Variants in PPM1H observed in about 807,000 individuals in gnomAD.
PPM1H encodes the protein protein phosphatase, Mg2+/Mn2+ dependent 1H.
Under a neutral mutation model 54.9 loss-of-function variants are expected in PPM1H, and 27 were observed. The ratio of observed to expected loss-of-function variants is 0.49; its 90% CI spans 0.36 to 0.68. PPM1H has a LOEUF of 0.68. Ranked by LOEUF, PPM1H falls within the 30% of genes least tolerant of loss-of-function variation. PPM1H has a pLI of 0.00. For synonymous variants in PPM1H, 305 were observed against 270.8 expected (o/e 1.13, Z -1.24); for missense variants, 596 against 667.8 (o/e 0.89, Z 1.19).
intron 2 of PPM1H, among the ~76,000 whole-genome samples, chr12:62,818,306 G>C (rs115129461): frequency 3.9e-5 from 6 of 152,180 alleles, no homozygotes; most frequent in Non-Finnish European, 5.9e-5. Flanking sequence ...AGAAGAAAAA[G>C]CTCTTGGAAA....
At chr12:62,800,311 T>C (rs1156988493) in intron 3 of PPM1H, among the ~76,000 whole-genome samples, 1 of 150,788 alleles carries the variant, frequency 6.6e-6, no homozygotes, top group East Asian at 1.9e-4. Context: ...TTCTCATCAC[T>C]TTGTAATCTC....
intron 6 of PPM1H, among the ~76,000 whole-genome samples, chr12:62,706,793 G>A (rs2120407248): frequency 6.6e-6 from 1 of 152,202 alleles, no homozygotes; most frequent in East Asian, 1.9e-4. Context: ...GCAAAAGAAT[G>A]TTTAATTATT....
At chr12:62,768,425 G>GC (rs1196420945) in intron 4 of PPM1H, among the ~76,000 whole-genome samples, 1 of 152,174 alleles carries the variant, frequency 6.6e-6, no homozygotes, top group African/African-American at 2.4e-5. Flanking sequence ...GGAGGCCAAG[G>GC]TGGGCGGATC....
intron 1 of PPM1H, among the ~76,000 whole-genome samples, chr12:62,891,378 A>C (rs1443039702): frequency 1.3e-5 from 2 of 152,248 alleles, no homozygotes; most frequent in Admixed American, 1.3e-4. Flanking sequence ...AAGTAAACTG[A>C]TACAATGCTT....
In PPM1H at chr12:62,934,902, C is replaced by T. The variant is rs2120379315; in HGVS notation, c.-166G>A. On this transcript the variant is annotated 5_prime_UTR_variant, in exon 1 of 10. Transcript: ENST00000228705. This position sits in a 1 kb window ranked among gnomAD's most constrained non-coding sequence, Gnocchi z 4.2. ...GAGCCTAGTGCTGCAGGGGGCCGAG[C>T]CCCGGCCTCTCGTGCTTAGTGCCGC... is the stretch of plus-strand genomic sequence containing the variant. The T allele has an allele frequency of 1.9e-6, 1 of 536,724 alleles. No individual in the cohort carries two copies. The highest frequency in any genetic ancestry group is 2.7e-6 in the Non-Finnish European group (1 of 371,064). 33.2% of individuals were successfully genotyped at this position (536,724 alleles called of 1,614,324 possible).
intron 4 of PPM1H, among the ~76,000 whole-genome samples, chr12:62,778,096 T>A (rs1381740301): frequency 6.6e-6 from 1 of 152,180 alleles, no homozygotes; most frequent in Non-Finnish European, 1.5e-5. Flanking sequence ...AAACTAACAG[T>A]GACAAAATTC....
intron 7 of PPM1H, among the ~76,000 whole-genome samples, chr12:62,692,358 T>C: frequency 6.6e-6 from 1 of 152,216 alleles, no homozygotes; most frequent in East Asian, 1.9e-4. Context: ...TTTGGTGAAT[T>C]GAACTTTATA....
rs1197611500 is a variant in PPM1H, at chr12:62,658,897, C to A, written c.1397+8281G>T. The A allele has an allele frequency of 1.1e-5, 7 of 654,290 alleles. No homozygotes were observed. In the Admixed American group the frequency reaches 1.3e-4, roughly 12 times the overall value. 40.5% of individuals were successfully genotyped at this position (654,290 alleles called of 1,614,324 possible). A position where few individuals can be genotyped will look rare whatever the true frequency, so the allele number is the denominator to read the frequency against. On this transcript the variant is annotated intron_variant, in intron 9 of 9. Coordinates refer to ENST00000228705, the MANE Select transcript of PPM1H (RefSeq NM_020700.2). ...AGAAGTTCATCCAGCACCAGTCTGA[C>A]CAATATGTCAAAATTAAGCGTAACT...
At chr12:62,801,721 AC>A in intron 3 of PPM1H, 94 bp downstream of exon 3, 1 of 1,367,410 alleles carries the variant, frequency 7.3e-7, no homozygotes, top group African/African-American at 1.5e-5. Context: ...AGGCAGCAAA[AC>A]CGTGCGCTTT....
intron 6 of PPM1H, among the ~76,000 whole-genome samples, chr12:62,715,697 C>T (rs536346767): frequency 6.6e-5 from 10 of 152,258 alleles, no homozygotes; most frequent in Non-Finnish European, 8.8e-5. Context: ...CACTGAGTGC[C>T]GGCGTGGTGC....
intron 1 of PPM1H, among the ~76,000 whole-genome samples, chr12:62,932,200 A>C (rs1431077415): frequency 6.6e-6 from 1 of 151,346 alleles, no homozygotes; most frequent in Non-Finnish European, 1.5e-5. Flanking sequence ...CAAGTTGAAT[A>C]TCTCTCATGT....
In PPM1H at chr12:62,709,485, CA is replaced by C. The variant is rs547552125; in HGVS notation, c.1073+10685del. ...TTTCACTCCTCTGGGCTTCTGCTGG[CA>C]CAGTGCCCTTTGCTCCGAATGTCCT... On this transcript the variant is annotated intron_variant, in intron 6 of 9. Transcript: ENST00000228705. Among the ~76,000 whole-genome samples the C allele has an allele frequency of 4.2e-3, 634 of 152,252 alleles. 2 individuals are homozygous for C. Among genetic ancestry groups the C allele is most frequent in the African/African-American group, 0.015 (605 of 41,554 alleles).
At chr12:62,696,171 G>C (rs2076114188) in intron 6 of PPM1H, among the ~76,000 whole-genome samples, 1 of 152,168 alleles carries the variant, frequency 6.6e-6, no homozygotes, top group African/African-American at 2.4e-5. Flanking sequence ...TAAGAAAACT[G>C]CTCTATCACA....
chr12:62,647,136 A>C lies in PPM1H; in HGVS notation c.*1353T>G, dbSNP rs375588848. On this transcript the variant is annotated 3_prime_UTR_variant, in exon 10 of 10. Coordinates refer to ENST00000228705, the MANE Select transcript of PPM1H (RefSeq NM_020700.2). ...ACTTGGCCATTCCTCCCAGCAGAGA[A>C]GCAGCAGGTAGATATGGCATGCACT... 1 of 152,336 alleles carries C rather than the reference A, an allele frequency of 6.6e-6. No individual in the cohort carries two copies. Among genetic ancestry groups the C allele is most frequent in the Admixed American group, 6.5e-5 (1 of 15,298 alleles). 9.4% of individuals were successfully genotyped at this position (152,336 alleles called of 1,614,324 possible).
chr12:62,655,811 T>G (rs1297755289), intron 9 of PPM1H, among the ~76,000 whole-genome samples: 1 of 152,180 alleles, frequency 6.6e-6, no homozygotes, highest in Non-Finnish European at 1.5e-5. Context: ...GAGTTTGAAA[T>G]GCCCACTCCT....
chr12:62,705,332 T>G (rs1466504598), intron 6 of PPM1H, among the ~76,000 whole-genome samples: 1 of 152,200 alleles, frequency 6.6e-6, no homozygotes, highest in Non-Finnish European at 1.5e-5. Flanking sequence ...GCTCAGGCTT[T>G]GACCAGATAA....
At chr12:62,778,398 A>G (rs963158944) in intron 4 of PPM1H, among the ~76,000 whole-genome samples, 1 of 152,180 alleles carries the variant, frequency 6.6e-6, no homozygotes. Context: ...GAATGCACCC[A>G]GAAATGTTGT....
intron 4 of PPM1H, among the ~76,000 whole-genome samples, chr12:62,738,089 C>A (rs1364667977): frequency 6.6e-6 from 1 of 152,150 alleles, no homozygotes; most frequent in Non-Finnish European, 1.5e-5. Flanking sequence ...GTTTAATGAA[C>A]TTAGCTTTAA....
chr12:62,879,690 G>T (rs1019378468), intron 1 of PPM1H, among the ~76,000 whole-genome samples: 3 of 151,914 alleles, frequency 2.0e-5, no homozygotes, highest in Non-Finnish European at 4.4e-5. Flanking sequence ...GCAGCAAACC[G>T]ACATGGCACA....
Sources: gnomAD v4.1 joint callset for allele counts (sites outside exome capture counted in the v4.1 genomes callset) on GRCh38, gnomAD v4.1.1 for gene constraint, Gnocchi (gnomAD v3.1) non-coding constraint, MANE v1.5 for transcripts, NCBI Gene and HGNC (gene_info 2026-07-23, HGNC 2026-07-21) for gene names.